HPCAL1: variants seen among roughly 807,000 people sequenced by gnomAD.
The protein encoded by HPCAL1 is hippocalcin like 1, also known as hippocalcin-like protein 1.
HPCAL1 carries 8 observed loss-of-function variants against 17.1 expected under a neutral mutation model. The ratio of observed to expected loss-of-function variants is 0.47; its 90% CI spans 0.27 to 0.84. HPCAL1 has a LOEUF of 0.84. Among genes scored for constraint, HPCAL1 ranks in the 40% least tolerant of loss-of-function variants. HPCAL1 has a pLI of 0.13. For missense variants in HPCAL1, 165 were observed against 271.1 expected, an observed-to-expected ratio of 0.61 and a Z score of 2.75; for synonymous variants, 112 against 111.4, an observed-to-expected ratio of 1.01 and a Z score of -0.03.
At chr2:10,424,399 G>A in intron 4 of HPCAL1, 1 of 436,508 alleles carries the variant, frequency 2.3e-6, no homozygotes, top group East Asian at 7.2e-5. Context: ...TCCTGAGGCT[G>A]TCCGCTCCTC....
intron 1 of HPCAL1, among the ~76,000 whole-genome samples, chr2:10,322,172 C>G (rs534843340): frequency 6.6e-6 from 1 of 152,064 alleles, no homozygotes; most frequent in African/African-American, 2.4e-5. Flanking sequence ...ACAGGCATAC[C>G]CCATCATTCC....
chr2:10,387,223 C>T (rs1470106623), intron 1 of HPCAL1, among the ~76,000 whole-genome samples: 6 of 152,226 alleles, frequency 3.9e-5, no homozygotes, highest in East Asian at 1.9e-4. Flanking sequence ...AGAGTAGTCG[C>T]GTGTGAATCC....
At chr2:10,411,930 C>T (rs1260480456) in intron 2 of HPCAL1, among the ~76,000 whole-genome samples, 1 of 152,182 alleles carries the variant, frequency 6.6e-6, no homozygotes, top group African/African-American at 2.4e-5. Context: ...TTCTCCTGTC[C>T]AGTGTCTTTC....
intron 1 of HPCAL1, among the ~76,000 whole-genome samples, chr2:10,338,686 C>T (rs1206650953): frequency 6.6e-6 from 1 of 152,302 alleles, no homozygotes; most frequent in East Asian, 1.9e-4. Flanking sequence ...CTTGGCAAGA[C>T]CCCTTGACAC....
At chr2:10,391,349 ACT>A (rs1249603566) in intron 1 of HPCAL1, among the ~76,000 whole-genome samples, 1 of 152,008 alleles carries the variant, frequency 6.6e-6, no homozygotes, top group Non-Finnish European at 1.5e-5. Context: ...TGCTCTTGTG[ACT>A]CTGCTCTTTG....
rs962543458 is a variant in HPCAL1, at chr2:10,362,612, C to T, written c.-110-34223C>T. On this transcript the variant is annotated intron_variant, in intron 1 of 4. Coordinates refer to ENST00000307845, the MANE Select transcript of HPCAL1 (RefSeq NM_002149.4). This position sits in a 1 kb window ranked among gnomAD's most constrained non-coding sequence, Gnocchi z 5.0. ...TGCCACTTGGCAGCCTCACCAGGGA[C>T]ATATCAGCCCCAGGCTGATTATCTG... 1.3e-5 allele frequency among the ~76,000 whole-genome samples: 2 copies of T among 152,344 alleles called. No homozygotes were observed. Among genetic ancestry groups the T allele is most frequent in the South Asian group, 2.1e-4 (1 of 4,832 alleles).
intron 1 of HPCAL1, among the ~76,000 whole-genome samples, chr2:10,368,268 A>G (rs997974954): frequency 7.7e-5 from 11 of 143,326 alleles, no homozygotes; most frequent in Non-Finnish European, 1.4e-4. Flanking sequence ...AGGTTTGTGC[A>G]TGTGTGTGCA....
chr2:10,337,902 C>T (rs1355087249), intron 1 of HPCAL1, among the ~76,000 whole-genome samples: 1 of 152,152 alleles, frequency 6.6e-6, no homozygotes, highest in Non-Finnish European at 1.5e-5. Context: ...GAGGATGGGT[C>T]GGCCATGGCT....
chr2:10,407,767 G>C (rs550740327), intron 2 of HPCAL1, among the ~76,000 whole-genome samples: 1 of 152,198 alleles, frequency 6.6e-6, no homozygotes, highest in Non-Finnish European at 1.5e-5. Flanking sequence ...AGGTGCGAAG[G>C]CCCTGAGGCT....
chr2:10,376,996 G>A (rs548121770), intron 1 of HPCAL1, among the ~76,000 whole-genome samples: 16 of 150,806 alleles, frequency 1.1e-4, no homozygotes, highest in African/African-American at 3.7e-4. Context: ...AATACATACC[G>A]TATTGTATTG....
At position 10,344,664 on chromosome 2, in the gene HPCAL1, G is replaced by A. The variant is rs1413648903; in HGVS notation, c.-111+41487G>A. The stretch of plus-strand genomic sequence containing the variant: ...GGCGTCCCACACTCCACAGTACTCT[G>A]CTCCCCCTTCCCTTCCTCCCAGGAC... On this transcript the variant is annotated intron_variant, in intron 1 of 4. Coordinates refer to ENST00000307845, the MANE Select transcript of HPCAL1 (RefSeq NM_002149.4). This position sits in a 1 kb window ranked among gnomAD's most constrained non-coding sequence, Gnocchi z 4.9. Among the ~76,000 whole-genome samples the A allele has an allele frequency of 1.3e-5, 2 of 152,152 alleles. No individual in the cohort carries two copies. The highest frequency in any genetic ancestry group is 2.9e-5 in the Non-Finnish European group (2 of 68,020).
intron 1 of HPCAL1, among the ~76,000 whole-genome samples, chr2:10,350,443 T>C (rs1185468272): frequency 1.3e-5 from 2 of 151,330 alleles, no homozygotes; most frequent in African/African-American, 4.9e-5. Context: ...CCTGAGTAGG[T>C]GGGACTATTA....
chr2:10,333,686 G>A lies in HPCAL1; in HGVS notation c.-111+30509G>A, dbSNP rs1454916889. On this transcript the variant is annotated intron_variant, in intron 1 of 4. Transcript: ENST00000307845. Reference sequence around the variant, plus strand: ...TTACCCAAATATTCTATGTCTCTTTGGTAAGACTGGAAAACACAGAAAAAC... The same window carrying A: ...TTACCCAAATATTCTATGTCTCTTTAGTAAGACTGGAAAACACAGAAAAAC... Among the ~76,000 whole-genome samples, 11 of 152,156 alleles carry A rather than the reference G, an allele frequency of 7.2e-5. No individual in the cohort carries two copies. The South Asian group carries it at 1.5e-3, about 20-fold the overall frequency.
At chr2:10,396,566 C>T (rs1384841523) in intron 1 of HPCAL1, among the ~76,000 whole-genome samples, 3 of 152,236 alleles carry the variant, frequency 2.0e-5, no homozygotes, top group Non-Finnish European at 2.9e-5. Flanking sequence ...TAACCAGCAA[C>T]CTCACTCGAA....
At chr2:10,378,160 G>A (rs576140407) in intron 1 of HPCAL1, among the ~76,000 whole-genome samples, 2 of 151,262 alleles carry the variant, frequency 1.3e-5, no homozygotes, top group South Asian at 2.1e-4. Flanking sequence ...ATTCTCTGCC[G>A]TCTTGCAGAG....
chr2:10,316,599 G>C (rs16856108), intron 1 of HPCAL1, among the ~76,000 whole-genome samples: 6,497 of 152,188 alleles, frequency 0.043, 465 homozygotes, highest in African/African-American at 0.15. Flanking sequence ...TTGAGTCCAG[G>C]ATATTGAGTC....
chr2:10,366,965 G>T (rs1297706439), intron 1 of HPCAL1, among the ~76,000 whole-genome samples: 1 of 152,160 alleles, frequency 6.6e-6, no homozygotes, highest in Admixed American at 6.5e-5. Flanking sequence ...AGGGACGCCA[G>T]GTTCCTTGAT....
rs36002921 is a variant in HPCAL1, at chr2:10,410,436, C to CTTTTTT, written c.-24-9278_-24-9273dup. On this transcript the variant is annotated intron_variant, in intron 2 of 4. Coordinates refer to ENST00000307845, the MANE Select transcript of HPCAL1 (RefSeq NM_002149.4). ...CCTTGTTCCTCTTTTTCTTCTTCTT[C>CTTTTTT]TTTTTTTTTTTTTTTTTTTTTTTTT... Among the ~76,000 whole-genome samples, 326 of 77,508 alleles carry CTTTTTT rather than the reference C, an allele frequency of 4.2e-3. 20 individuals are homozygous for CTTTTTT. The highest frequency in any genetic ancestry group is 6.0e-3 in the South Asian group (10 of 1,674). 50.8% of individuals were successfully genotyped at this position (77,508 alleles called of 152,430 possible).
At chr2:10,347,304 C>T (rs1339804158) in intron 1 of HPCAL1, among the ~76,000 whole-genome samples, 1 of 152,156 alleles carries the variant, frequency 6.6e-6, no homozygotes, top group Non-Finnish European at 1.5e-5. Context: ...CCAGGCAGAG[C>T]CCTGTCTCAG....
Sources: gnomAD v4.1 joint callset for allele counts (sites outside exome capture counted in the v4.1 genomes callset) on GRCh38, gnomAD v4.1.1 for gene constraint, Gnocchi (gnomAD v3.1) non-coding constraint, MANE v1.5 for transcripts, NCBI Gene and HGNC (gene_info 2026-07-23, HGNC 2026-07-21) for gene names.